CCSER1: variants seen among roughly 807,000 people sequenced by gnomAD.
The protein encoded by CCSER1 is coiled-coil serine rich protein 1.
Under a neutral mutation model 82.0 loss-of-function variants are expected in CCSER1, and 41 were observed. That is an observed-to-expected ratio of 0.50 (90% confidence interval 0.39 to 0.65). CCSER1 has a LOEUF of 0.65. Ranked by LOEUF, CCSER1 falls within the 30% of genes least tolerant of loss-of-function variation. The probability of loss-of-function intolerance (pLI) is 0.00; values close to 1 mark genes in which losing one functional copy is unlikely to be tolerated. For synonymous variants in CCSER1, 414 were observed against 383.9 expected, an observed-to-expected ratio of 1.08 and a Z score of -0.92; for missense variants, 1,119 against 1,064.2, an observed-to-expected ratio of 1.05 and a Z score of -0.72.
intron 1 of CCSER1, among the ~76,000 whole-genome samples, chr4:90,167,973 C>A (rs903444022): frequency 6.6e-6 from 1 of 152,072 alleles, no homozygotes; most frequent in African/African-American, 2.4e-5. Flanking sequence ...GATTTATAAT[C>A]CTTTGGGTAT....
intron 8 of CCSER1, among the ~76,000 whole-genome samples, chr4:90,871,628 GT>G (rs1441557344): frequency 6.6e-6 from 1 of 151,866 alleles, no homozygotes; most frequent in Admixed American, 6.6e-5. Flanking sequence ...GGAAAATAAT[GT>G]GTATTCTGCA....
chr4:90,303,089 A>G (rs1319316376), intron 1 of CCSER1, among the ~76,000 whole-genome samples: 1 of 152,172 alleles, frequency 6.6e-6, no homozygotes, highest in Non-Finnish European at 1.5e-5. Context: ...CCTCTAGTAG[A>G]TTTATATCTA....
intron 7 of CCSER1, among the ~76,000 whole-genome samples, chr4:90,799,469 G>A (rs1216227027): frequency 6.6e-6 from 1 of 152,040 alleles, no homozygotes; most frequent in Admixed American, 6.6e-5. Flanking sequence ...AGGCTGGTGT[G>A]TGGCCGTAGG....
chr4:90,621,958 T>G (rs1360672903), intron 5 of CCSER1, among the ~76,000 whole-genome samples: 1 of 152,218 alleles, frequency 6.6e-6, no homozygotes, highest in Admixed American at 6.5e-5. Context: ...AGTGGCAATT[T>G]GTATAATTAT....
intron 10 of CCSER1, among the ~76,000 whole-genome samples, chr4:91,470,741 AATCTACC>A (rs1234515630): frequency 6.6e-6 from 1 of 152,162 alleles, no homozygotes. Flanking sequence ...GAGTTCTTGT[AATCTACC>A]ATCTGCCAGT....
chr4:90,835,735 A>G (rs779823891), intron 8 of CCSER1, among the ~76,000 whole-genome samples: 64 of 152,342 alleles, frequency 4.2e-4, no homozygotes, highest in Non-Finnish European at 7.2e-4. Context: ...CCAGAGAGGT[A>G]TCTCCAACTA....
chr4:91,592,938 G>T (rs1308626308), intron 10 of CCSER1, among the ~76,000 whole-genome samples: 1 of 151,892 alleles, frequency 6.6e-6, no homozygotes, highest in African/African-American at 2.4e-5. Context: ...GAATAATTTT[G>T]CCTGATAACA....
At chr4:90,657,329 C>A (rs1204140611) in intron 6 of CCSER1, among the ~76,000 whole-genome samples, 1 of 152,044 alleles carries the variant, frequency 6.6e-6, no homozygotes, top group East Asian at 1.9e-4. Context: ...TTTTCTCTGG[C>A]GTCTTTTAAC....
intron 6 of CCSER1, among the ~76,000 whole-genome samples, chr4:90,650,053 A>G (rs1022695625): frequency 1.1e-4 from 17 of 152,088 alleles, no homozygotes; most frequent in African/African-American, 2.7e-4. Flanking sequence ...CGTGTCTACT[A>G]AAAACACAAA....
chr4:90,414,889 T>TA (rs1266746858), intron 4 of CCSER1, among the ~76,000 whole-genome samples: 1 of 152,170 alleles, frequency 6.6e-6, no homozygotes, highest in Non-Finnish European at 1.5e-5. Flanking sequence ...TTTATGTAGT[T>TA]TCACATTTGT....
intron 1 of CCSER1, among the ~76,000 whole-genome samples, chr4:90,288,749 A>G (rs1730380172): frequency 6.6e-6 from 1 of 151,880 alleles, no homozygotes; most frequent in Non-Finnish European, 1.5e-5. Flanking sequence ...TTTCCATACA[A>G]ATTACTTGTT....
chr4:90,605,404 A>G (rs138943071), intron 5 of CCSER1, among the ~76,000 whole-genome samples: 1 of 152,216 alleles, frequency 6.6e-6, no homozygotes, highest in African/African-American at 2.4e-5. Context: ...TAAAGTTGAT[A>G]TTTATAATTC....
chr4:91,254,000 C>T (rs1382336824), intron 10 of CCSER1, among the ~76,000 whole-genome samples: 1 of 152,138 alleles, frequency 6.6e-6, no homozygotes, highest in African/African-American at 2.4e-5. Flanking sequence ...GGCCCCACCT[C>T]CAACATTGGG....
chr4:90,655,506 C>T (rs7678639), intron 6 of CCSER1, among the ~76,000 whole-genome samples: 77,832 of 151,670 alleles, frequency 0.51, 20,200 homozygotes, highest in Middle Eastern at 0.67. Flanking sequence ...CTCATTTCCA[C>T]CTATGAAGGC....
intron 1 of CCSER1, among the ~76,000 whole-genome samples, chr4:90,188,297 A>T (rs558676604): frequency 6.6e-6 from 1 of 151,976 alleles, no homozygotes; most frequent in African/African-American, 2.4e-5. Flanking sequence ...TTTTTAAAAA[A>T]ATATATAGTA....
At chr4:90,552,601 G>A (rs1777652008) in intron 5 of CCSER1, among the ~76,000 whole-genome samples, 1 of 151,842 alleles carries the variant, frequency 6.6e-6, no homozygotes, top group African/African-American at 2.4e-5. Context: ...GGGACCATAA[G>A]CATAACACTA....
intron 5 of CCSER1, among the ~76,000 whole-genome samples, chr4:90,583,016 C>T (rs1211076162): frequency 1.3e-5 from 2 of 151,982 alleles, no homozygotes; most frequent in African/African-American, 4.8e-5. Context: ...TTTGTTATGT[C>T]TGTGTTGAAT....
intron 7 of CCSER1, among the ~76,000 whole-genome samples, chr4:90,802,957 T>G (rs1289208823): frequency 1.3e-5 from 2 of 152,148 alleles, no homozygotes; most frequent in Non-Finnish European, 2.9e-5. Context: ...TAAAGTTGTC[T>G]GTTTTCTTTG....
At chr4:90,929,358 T>C (rs573485296) in intron 9 of CCSER1, among the ~76,000 whole-genome samples, 2 of 152,332 alleles carry the variant, frequency 1.3e-5, no homozygotes, top group African/African-American at 2.4e-5. Flanking sequence ...TTTTCTATAG[T>C]ACTTTTTTAT....
Sources: allele counts gnomAD v4.1 joint callset (sites outside exome capture counted in the v4.1 genomes callset), GRCh38; gene constraint gnomAD v4.1.1; transcripts MANE v1.5; gene names NCBI Gene and HGNC (gene_info 2026-07-23, HGNC 2026-07-21).